The following SORCS2 variants were observed in gnomAD, a reference collection of about 807,000 sequenced individuals.
The protein encoded by SORCS2 is sortilin related VPS10 domain containing receptor 2.
Under a neutral mutation model 141.6 loss-of-function variants are expected in SORCS2, and 100 were observed. That is an observed-to-expected ratio of 0.71 (90% CI 0.60 to 0.83). The LOEUF is 0.83. Among genes scored for constraint, SORCS2 ranks in the 40% least tolerant of loss-of-function variants. The pLI is 0.00. For synonymous variants in SORCS2, 789 were observed against 676.9 expected (o/e 1.17, Z -2.57); for missense variants, 1,646 against 1,560.2 (o/e 1.05, Z -0.93).
chr4:7,391,647 G>A (rs945006411), intron 1 of SORCS2, among the ~76,000 whole-genome samples: 1 of 152,094 alleles, frequency 6.6e-6, no homozygotes, highest in Admixed American at 6.5e-5. Flanking sequence ...CTGGAATAAA[G>A]CGAGAGTCAG....
At chr4:7,281,353 G>A (rs2336104) in intron 1 of SORCS2, among the ~76,000 whole-genome samples, 4,623 of 152,092 alleles carry the variant, frequency 0.03, 220 homozygotes, top group African/African-American at 0.1. Context: ...TCATTTCTCC[G>A]TAGCCCCTTC....
intron 9 of SORCS2, 39 bp from the exon 10 acceptor site, chr4:7,682,704 C>T (rs1723600662): frequency 1.3e-6 from 2 of 1,577,210 alleles, no homozygotes; most frequent in Non-Finnish European, 8.6e-7. Context: ...CAGAGTGCTC[C>T]AGTGTAAGTT....
chr4:7,604,832 C>T (rs1351935049), intron 3 of SORCS2, among the ~76,000 whole-genome samples: 1 of 152,148 alleles, frequency 6.6e-6, no homozygotes, highest in South Asian at 2.1e-4. Context: ...CCAGTTCATC[C>T]TTACAACAAA....
intron 2 of SORCS2, among the ~76,000 whole-genome samples, chr4:7,481,181 C>T (rs1210233413): frequency 6.6e-6 from 1 of 152,224 alleles, no homozygotes; most frequent in African/African-American, 2.4e-5. Flanking sequence ...GAGCCACAGA[C>T]TTTCCTGAGT....
intron 1 of SORCS2, among the ~76,000 whole-genome samples, chr4:7,224,721 C>G (rs151087078): frequency 0.018 from 2,728 of 152,298 alleles, 44 homozygotes; most frequent in Non-Finnish European, 0.026. Flanking sequence ...CAGAGTCAAA[C>G]CATATCAAGG....
At position 7,740,298 on chromosome 4, in the gene SORCS2, G is replaced by A. The variant is rs1221445890; in HGVS notation, c.*34G>A. On this transcript the variant is annotated 3_prime_UTR_variant, in exon 27 of 27. Transcript: ENST00000507866. ...CAGCATCTGTCTTTTCACCCACGGAGGGCACAGAACCACCAGCAAAGCCGG... is the reference window on the plus strand; with the variant it reads ...CAGCATCTGTCTTTTCACCCACGGAAGGCACAGAACCACCAGCAAAGCCGG... The A allele has an allele frequency of 5.6e-6, 9 of 1,597,096 alleles. No homozygotes were observed. In the South Asian group the frequency reaches 8.9e-5, roughly 16 times the overall value.
intron 1 of SORCS2, among the ~76,000 whole-genome samples, chr4:7,219,256 G>A (rs1728555386): frequency 6.6e-6 from 1 of 152,058 alleles, no homozygotes; most frequent in African/African-American, 2.4e-5. Flanking sequence ...GGGCCATGTT[G>A]AGTTTGAGGT....
chr4:7,724,930 T>TG (rs1337059774), intron 19 of SORCS2, among the ~76,000 whole-genome samples: 1 of 38,280 alleles, frequency 2.6e-5, no homozygotes, highest in Non-Finnish European at 5.1e-5. Flanking sequence ...TGGATGGTGG[T>TG]AGTAGTGGTG....
chr4:7,724,965 GTGA>G (rs1727096176), intron 19 of SORCS2, among the ~76,000 whole-genome samples, 186 bp from the exon 20 acceptor site: 1 of 117,310 alleles, frequency 8.5e-6, no homozygotes, highest in Non-Finnish European at 1.8e-5. Context: ...GGTGATGGTG[GTGA>G]TAGTGTTGGT....
rs1465112160 is a variant in SORCS2, at chr4:7,661,491, C to G, written c.888-9C>G. On this transcript the variant is annotated splice_polypyrimidine_tract_variant and intron_variant, in intron 5 of 26. Coordinates refer to ENST00000507866, the MANE Select transcript of SORCS2 (RefSeq NM_020777.3). Reference sequence around the variant, plus strand: ...ATTCCCGACCCCAGCCTCAGCTCTTCTTTTCCAGGTCTGTGTCTGGGGTGG... The same window carrying G: ...ATTCCCGACCCCAGCCTCAGCTCTTGTTTTCCAGGTCTGTGTCTGGGGTGG... 6.4e-7 allele frequency: 1 copy of G among 1,551,588 alleles called. No homozygotes were observed. The highest frequency in any genetic ancestry group is 8.7e-7 in the Non-Finnish European group (1 of 1,146,940).
intron 1 of SORCS2, among the ~76,000 whole-genome samples, chr4:7,344,508 C>T (rs952070385): frequency 2.6e-5 from 4 of 152,346 alleles, no homozygotes; most frequent in African/African-American, 9.6e-5. Flanking sequence ...CAGAACAGCC[C>T]TAGTGAGACC....
chr4:7,548,621 C>T (rs748289977), intron 3 of SORCS2, among the ~76,000 whole-genome samples: 28 of 152,146 alleles, frequency 1.8e-4, no homozygotes, highest in Admixed American at 4.6e-4. Context: ...CATCTTGTGC[C>T]AGAGGGCGGC....
chr4:7,200,631 C>G (rs541936950), intron 1 of SORCS2, among the ~76,000 whole-genome samples: 3 of 152,190 alleles, frequency 2.0e-5, no homozygotes, highest in African/African-American at 7.2e-5. Context: ...AGAACCTCAC[C>G]GCAGCCTCTT....
At chr4:7,301,565 C>G (rs954610520) in intron 1 of SORCS2, among the ~76,000 whole-genome samples, 16 of 152,218 alleles carry the variant, frequency 1.1e-4, no homozygotes, top group African/African-American at 3.6e-4. Flanking sequence ...GCAGGCAGAG[C>G]ACCCTCGACC....
intron 3 of SORCS2, among the ~76,000 whole-genome samples, chr4:7,540,857 G>A (rs1712590884): frequency 6.6e-6 from 1 of 152,226 alleles, no homozygotes; most frequent in African/African-American, 2.4e-5. Flanking sequence ...TAAATGGGAG[G>A]ATGCCTGACT....
chr4:7,637,343 G>A (rs749890184), intron 3 of SORCS2, among the ~76,000 whole-genome samples: 2 of 152,046 alleles, frequency 1.3e-5, no homozygotes, highest in African/African-American at 2.4e-5. Flanking sequence ...GGGGACCCCC[G>A]GCTCAGCGTT....
chr4:7,295,807 T>C (rs183484405), intron 1 of SORCS2, among the ~76,000 whole-genome samples: 159 of 152,342 alleles, frequency 1.0e-3, no homozygotes, highest in African/African-American at 3.2e-3. Flanking sequence ...ACCTGTCCAA[T>C]GGGCATTCCC....
intron 2 of SORCS2, chr4:7,432,746 C>T (rs1373072017): frequency 2.0e-5 from 3 of 152,338 alleles, no homozygotes; most frequent in African/African-American, 7.2e-5. Context: ...CCCCAGACCT[C>T]TCCCCGGAAA....
chr4:7,589,099 G>A (rs1171931564), intron 3 of SORCS2, among the ~76,000 whole-genome samples: 1 of 152,160 alleles, frequency 6.6e-6, no homozygotes, highest in African/African-American at 2.4e-5. Context: ...GGGGCGAAGG[G>A]GTTCAGCAGG....
Sources: gnomAD v4.1 joint callset for allele counts (sites outside exome capture counted in the v4.1 genomes callset) on GRCh38, gnomAD v4.1.1 for gene constraint, MANE v1.5 for transcripts, NCBI Gene and HGNC (gene_info 2026-07-23, HGNC 2026-07-21) for gene names.